Variants in SYK observed in about 807,000 individuals in gnomAD.
The protein encoded by SYK is spleen associated tyrosine kinase.
A neutral mutation model predicts 77.8 loss-of-function variants in SYK; 16 were observed. The ratio of observed to expected loss-of-function variants is 0.21; its 90% CI spans 0.14 to 0.31. The LOEUF is 0.31. SYK is among the 10% of genes least tolerant of loss of function. The probability of loss-of-function intolerance (pLI) is 1.00; values close to 1 mark genes in which losing one functional copy is unlikely to be tolerated. For synonymous variants in SYK, 312 were observed against 308.7 expected, an observed-to-expected ratio of 1.01 and a Z score of -0.11; for missense variants, 529 against 814.4, an observed-to-expected ratio of 0.65 and a Z score of 4.26.
intron 1 of SYK, among the ~76,000 whole-genome samples, chr9:90,806,259 C>T (rs1437927025): frequency 1.3e-5 from 2 of 152,288 alleles, no homozygotes; most frequent in Middle Eastern, 3.4e-3. Flanking sequence ...CAAGTAATCT[C>T]ACGGTTCCAT....
chr9:90,888,462 TTGAC>T (rs1234670934), intron 12 of SYK, 49 bp from the exon 13 acceptor site: 55 of 1,395,602 alleles, frequency 3.9e-5, no homozygotes, highest in Non-Finnish European at 5.2e-5. Flanking sequence ...TTTGTTTTGT[TTGAC>T]TAACACCTTT....
At chr9:90,836,523 T>C (rs769853069) in intron 1 of SYK, among the ~76,000 whole-genome samples, 11 of 152,212 alleles carry the variant, frequency 7.2e-5, no homozygotes, top group Non-Finnish European at 1.6e-4. Flanking sequence ...GTACACACTG[T>C]ACTGCTGTAA....
At chr9:90,849,058 G>A (rs1242204455) in intron 3 of SYK, among the ~76,000 whole-genome samples, 1 of 152,192 alleles carries the variant, frequency 6.6e-6, no homozygotes, top group Non-Finnish European at 1.5e-5. Context: ...GGAGAAGGGT[G>A]GAGTTGAGGG....
At chr9:90,848,265 T>G (rs1826675035) in intron 3 of SYK, among the ~76,000 whole-genome samples, 1 of 152,212 alleles carries the variant, frequency 6.6e-6, no homozygotes, top group Admixed American at 6.5e-5. Context: ...GTGTGTTTCT[T>G]TCATGGGAAA....
At chr9:90,869,995 C>A (rs1827666914) in intron 7 of SYK, among the ~76,000 whole-genome samples, 1 of 152,168 alleles carries the variant, frequency 6.6e-6, no homozygotes, top group African/African-American at 2.4e-5. Context: ...ATAATCCCAG[C>A]TACTCAGGAG....
At chr9:90,893,562 G>T (rs572436613) in intron 13 of SYK, among the ~76,000 whole-genome samples, 1 of 152,152 alleles carries the variant, frequency 6.6e-6, no homozygotes, top group Admixed American at 6.5e-5. Context: ...GTTGAAGGGG[G>T]TTTATTATGA....
intron 4 of SYK, 124 bp from the exon 5 acceptor site, chr9:90,864,465 A>T: frequency 1.3e-6 from 1 of 794,772 alleles, no homozygotes; most frequent in South Asian, 1.7e-5. Context: ...ACTTAAGCAC[A>T]TAAAAGCATT....
chr9:90,884,408 T>TGTAC (rs1828348850), intron 11 of SYK, among the ~76,000 whole-genome samples: 1 of 88,362 alleles, frequency 1.1e-5, no homozygotes, highest in Non-Finnish European at 2.3e-5. Flanking sequence ...CACATATGTG[T>TGTAC]ATATATACAT....
chr9:90,860,202 A>G (rs1160974248), intron 3 of SYK, among the ~76,000 whole-genome samples: 1 of 152,238 alleles, frequency 6.6e-6, no homozygotes, highest in Non-Finnish European at 1.5e-5. Context: ...GACGTAAAAG[A>G]TTAAATTATA....
intron 1 of SYK, among the ~76,000 whole-genome samples, chr9:90,810,844 T>G (rs1474469269): frequency 6.6e-6 from 1 of 152,136 alleles, no homozygotes; most frequent in Non-Finnish European, 1.5e-5. Flanking sequence ...GTGAAGCTGC[T>G]GTGGGGAGTA....
At chr9:90,894,092 T>C (rs1828893549) in intron 13 of SYK, among the ~76,000 whole-genome samples, 1 of 152,248 alleles carries the variant, frequency 6.6e-6, no homozygotes, top group Admixed American at 6.5e-5. Context: ...GCTCCTTGGC[T>C]GCTGGGCAGA....
At chr9:90,856,448 C>T (rs931445928) in intron 3 of SYK, among the ~76,000 whole-genome samples, 1 of 152,088 alleles carries the variant, frequency 6.6e-6, no homozygotes, top group African/African-American at 2.4e-5. Flanking sequence ...TTTTCCCTTG[C>T]CTTTTCTGTG....
chr9:90,879,968 G>A (rs1015509206), intron 11 of SYK, among the ~76,000 whole-genome samples: 1 of 152,224 alleles, frequency 6.6e-6, no homozygotes, highest in African/African-American at 2.4e-5. Context: ...TGTATACCTA[G>A]GGTCTATGTT....
rs530490417 is a variant in SYK at position 90,888,400 on chromosome 9, C to T, written c.1723-115C>T. On this transcript the variant is annotated intron_variant, in intron 12 of 13. Coordinates refer to ENST00000375754, the MANE Select transcript of SYK (RefSeq NM_003177.7). ...ATTAAGTGCTCCTGTTTTTATACTT[C>T]GTATAATTGAAATCATACAATGTGT... 2.7e-4 allele frequency: 198 copies of T among 746,102 alleles called. 1 individual carries two copies. The African/African-American group carries it at 3.0e-3, about 11-fold the overall frequency. The allele number at this position is 746,102 out of a possible 1,614,324, so 46.2% of individuals were successfully genotyped here. A position where few individuals can be genotyped will look rare whatever the true frequency, so the allele number is the denominator to read the frequency against.
chr9:90,858,955 G>A (rs1827147672), intron 3 of SYK, among the ~76,000 whole-genome samples: 1 of 152,210 alleles, frequency 6.6e-6, no homozygotes, highest in South Asian at 2.1e-4. Flanking sequence ...TCCTCTTGAA[G>A]AGCCTCAAGG....
At chr9:90,859,924 G>T (rs1259590075) in intron 3 of SYK, among the ~76,000 whole-genome samples, 1 of 152,234 alleles carries the variant, frequency 6.6e-6, no homozygotes, top group African/African-American at 2.4e-5. Flanking sequence ...AAGACATAGG[G>T]TAAGATGGAG....
In SYK at chr9:90,804,590, AAAC is replaced by A. The variant is rs200877550; in HGVS notation, c.-42+2711_-42+2713del. Among the ~76,000 whole-genome samples the A allele has an allele frequency of 1.8e-4, 28 of 152,268 alleles. 2 individuals carry two copies. In the East Asian group the frequency reaches 3.1e-3, roughly 17 times the overall value. ...TGGTTTAGCTATAACTGGGTGGAGA[AAAC>A]AACAACAACAACAGGAATTTAGGCC... is the stretch of plus-strand genomic sequence containing the variant. On this transcript the variant is annotated intron_variant, in intron 1 of 13. Coordinates refer to ENST00000375754, the MANE Select transcript of SYK (RefSeq NM_003177.7).
rs1411905878 is a variant in SYK at position 90,897,556 on chromosome 9, A to G, written c.*1956A>G. On this transcript the variant is annotated 3_prime_UTR_variant, in exon 14 of 14. Transcript: ENST00000375754. The stretch of plus-strand genomic sequence containing the variant: ...CTGTAACTTCCAGAGGGAGTCTTCA[A>G]CACAGGCCCCGTGCTCGTAGGAATA... 3 of 230,994 alleles carry G rather than the reference A, an allele frequency of 1.3e-5. No homozygotes were observed. The highest frequency in any genetic ancestry group is 2.2e-5 in the African/African-American group (1 of 45,216). The allele number at this position is 230,994 out of a possible 1,614,324, so 14.3% of individuals were successfully genotyped here.
chr9:90,886,845 C>T (rs1828597275), intron 11 of SYK, among the ~76,000 whole-genome samples: 1 of 152,168 alleles, frequency 6.6e-6, no homozygotes, highest in Admixed American at 6.5e-5. Context: ...TATCATAGAA[C>T]TATTCACAAT....
Sources: allele counts gnomAD v4.1 joint callset (sites outside exome capture counted in the v4.1 genomes callset), GRCh38; gene constraint gnomAD v4.1.1; transcripts MANE v1.5; gene names NCBI Gene and HGNC (gene_info 2026-07-23, HGNC 2026-07-21).